Variants in OTOGL observed in about 807,000 individuals in gnomAD.
The protein encoded by OTOGL is otogelin-like protein.
A neutral mutation model predicts 318.5 loss-of-function variants in OTOGL; 285 were observed. That is an observed-to-expected ratio of 0.89 (90% CI 0.81 to 0.99). The LOEUF (loss-of-function observed/expected upper bound fraction) is 0.99, where lower values mean the gene tolerates loss of function less well. Among genes scored for constraint, OTOGL ranks in the 50% least tolerant of loss-of-function variants. OTOGL has a pLI of 0.00. For synonymous variants in OTOGL, 987 were observed against 936.5 expected, an observed-to-expected ratio of 1.05 and a Z score of -0.99; for missense variants, 2,899 against 2,845.6, an observed-to-expected ratio of 1.02 and a Z score of -0.43.
intron 17 of OTOGL, among the ~76,000 whole-genome samples, chr12:80,256,771 T>A (rs1419438965): frequency 1.3e-5 from 2 of 152,070 alleles, no homozygotes; most frequent in African/African-American, 4.8e-5. Flanking sequence ...GAGGTGCAGC[T>A]CACTCAGCTC....
chr12:80,231,648 A>AT (rs753876813), intron 8 of OTOGL, among the ~76,000 whole-genome samples: 7 of 151,752 alleles, frequency 4.6e-5, no homozygotes, highest in Admixed American at 2.0e-4. Context: ...TATTTTTATT[A>AT]TTTTTAAACA....
At chr12:80,300,017 C>T (rs567142716) in intron 27 of OTOGL, among the ~76,000 whole-genome samples, 2 of 152,156 alleles carry the variant, frequency 1.3e-5, no homozygotes, top group South Asian at 4.1e-4. Flanking sequence ...CAAAACCAAA[C>T]TGAGCAAAAG....
At chr12:80,199,526 T>C (rs1187524596) in intron 1 of OTOGL, among the ~76,000 whole-genome samples, 2 of 152,236 alleles carry the variant, frequency 1.3e-5, no homozygotes, top group Non-Finnish European at 2.9e-5. Flanking sequence ...TTCTTCTGCT[T>C]ATCAATGGAA....
chr12:80,251,314 C>G (rs1050869001), intron 11 of OTOGL, among the ~76,000 whole-genome samples: 4 of 152,086 alleles, frequency 2.6e-5, no homozygotes, highest in African/African-American at 9.7e-5. Flanking sequence ...TCTGTTTTAA[C>G]AGGACTTATT....
At chr12:80,332,875 T>C (rs1888162975) in intron 37 of OTOGL, 130 bp from the exon 38 acceptor site, 3 of 711,086 alleles carry the variant, frequency 4.2e-6, no homozygotes, top group Non-Finnish European at 6.9e-6. Flanking sequence ...ATTACCAACA[T>C]CACAGGATTC....
chr12:80,273,859 A>G (rs1281898157), intron 24 of OTOGL, among the ~76,000 whole-genome samples: 1 of 151,972 alleles, frequency 6.6e-6, no homozygotes, highest in South Asian at 2.1e-4. Flanking sequence ...GAACTTTTTC[A>G]TTATCATTAT....
At position 80,302,753 on chromosome 12, in the gene OTOGL, T is replaced by A. The variant is rs547129062; in HGVS notation, c.3183T>A (p.Thr1061=). 1 of 1,529,106 alleles carries A rather than the reference T, an allele frequency of 6.5e-7. No homozygotes were observed. The highest frequency in any genetic ancestry group is 1.3e-5 in the South Asian group (1 of 77,586). The allele number at this position is 1,529,106 out of a possible 1,614,324, so 94.7% of individuals were successfully genotyped here. The part of the protein sequence containing the change: ...DITILWDRKT[T]IHIKVGPQWK... ...CTATTCTTTGGGATAGGAAGACAACTATTCATATCAAAGTTGGGCCACAGT... is the reference window on the plus strand; with the variant it reads ...CTATTCTTTGGGATAGGAAGACAACAATTCATATCAAAGTTGGGCCACAGT... Residue 1061 remains threonine, a synonymous_variant, in exon 28 of 59, where the codon ACT becomes ACA. Coordinates refer to ENST00000547103, the MANE Select transcript of OTOGL (RefSeq NM_001378609.3).
At chr12:80,134,793 A>G (rs988731739) in intron 1 of OTOGL, among the ~76,000 whole-genome samples, 6 of 152,146 alleles carry the variant, frequency 3.9e-5, no homozygotes, top group African/African-American at 1.4e-4. Context: ...TATGTCAGTA[A>G]TCACAAGAAG....
At chr12:80,116,837 A>C (rs1360139266) in intron 1 of OTOGL, among the ~76,000 whole-genome samples, 1 of 152,202 alleles carries the variant, frequency 6.6e-6, no homozygotes, top group East Asian at 1.9e-4. Context: ...TGGATGGCCC[A>C]TCTTGGGAAA....
intron 1 of OTOGL, among the ~76,000 whole-genome samples, chr12:80,108,845 TG>T (rs1418578169): frequency 2.4e-5 from 2 of 83,136 alleles, no homozygotes; most frequent in African/African-American, 1.2e-4. Flanking sequence ...TGTATATATA[TG>T]TGTATATATA....
At chr12:80,328,559 G>T (rs1887850594) in intron 35 of OTOGL, 106 bp from the exon 36 acceptor site, 1 of 842,460 alleles carries the variant, frequency 1.2e-6, no homozygotes, top group Admixed American at 2.5e-5. Context: ...GTATATAGAA[G>T]CATTTTAGGA....
intron 43 of OTOGL, 48 bp downstream of exon 43, chr12:80,339,312 T>G (rs745950330): frequency 8.4e-6 from 12 of 1,427,422 alleles, no homozygotes; most frequent in African/African-American, 2.9e-5. Flanking sequence ...TTTTTTTTTT[T>G]TTTTTTTTTT....
intron 1 of OTOGL, among the ~76,000 whole-genome samples, chr12:80,108,452 AT>A (rs1159079809): frequency 6.6e-6 from 1 of 151,922 alleles, no homozygotes; most frequent in Non-Finnish European, 1.5e-5. Flanking sequence ...TTTGTCCCAA[AT>A]TGGTGACGTG....
intron 11 of OTOGL, among the ~76,000 whole-genome samples, chr12:80,244,014 C>T (rs1238651753): frequency 6.6e-6 from 1 of 151,044 alleles, no homozygotes; most frequent in East Asian, 1.9e-4. Context: ...CATCATGGCA[C>T]CCAGGAAGAG....
chr12:80,352,145 A>T, intron 44 of OTOGL, 150 bp from the exon 45 acceptor site: 1 of 645,274 alleles, frequency 1.5e-6, no homozygotes, highest in Non-Finnish European at 2.5e-6. Context: ...GATGTTTAAT[A>T]TTAAGAATTT....
At chr12:80,130,901 A>C (rs1871198092) in intron 1 of OTOGL, 1 of 152,102 alleles carries the variant, frequency 6.6e-6, no homozygotes, top group Admixed American at 6.5e-5. Flanking sequence ...TTCAGCTCAT[A>C]TTCTATCTGT....
chr12:80,106,240 T>A (rs10732673), intron 1 of OTOGL, among the ~76,000 whole-genome samples: 97,265 of 152,024 alleles, frequency 0.64, 31,943 homozygotes, highest in African/African-American at 0.78. Context: ...TTATCTTCTC[T>A]TGAAATCATT....
At chr12:80,275,326 A>G (rs924559587) in intron 24 of OTOGL, among the ~76,000 whole-genome samples, 7 of 151,976 alleles carry the variant, frequency 4.6e-5, no homozygotes, top group Admixed American at 3.9e-4. Flanking sequence ...ATGTCAGTGG[A>G]GGAAGTAACT....
intron 1 of OTOGL, among the ~76,000 whole-genome samples, chr12:80,182,855 G>A (rs1269006155): frequency 6.6e-6 from 1 of 152,188 alleles, no homozygotes; most frequent in Non-Finnish European, 1.5e-5. Flanking sequence ...CCACAATAAA[G>A]TTTGCACTTG....
Sources: allele counts gnomAD v4.1 joint callset (sites outside exome capture counted in the v4.1 genomes callset), GRCh38; gene constraint gnomAD v4.1.1; transcripts MANE v1.5; gene names NCBI Gene and HGNC (gene_info 2026-07-23, HGNC 2026-07-21).